Variants in KCNH8 observed in about 807,000 individuals in gnomAD.
KCNH8 encodes the protein voltage-gated delayed rectifier potassium channel KCNH8.
In KCNH8, 70 loss-of-function variants were observed where a neutral mutation model predicts 103.6. The observed-to-expected ratio is 0.68, with a 90% CI of 0.56 to 0.82. The LOEUF is 0.82. Ranked by LOEUF, KCNH8 falls within the 40% of genes least tolerant of loss-of-function variation. KCNH8 has a pLI of 0.00. For synonymous variants in KCNH8, 498 were observed against 489.4 expected (o/e 1.02, Z -0.23); for missense variants, 1,217 against 1,329.9 (o/e 0.92, Z 1.32).
chr3:19,355,972 G>C (rs2065877172), intron 5 of KCNH8, among the ~76,000 whole-genome samples: 1 of 151,594 alleles, frequency 6.6e-6, no homozygotes, highest in Admixed American at 6.6e-5. Context: ...TTCTGGAGTA[G>C]TAGTATTAAT....
At chr3:19,394,364 A>C (rs1255644404) in intron 6 of KCNH8, among the ~76,000 whole-genome samples, 1 of 152,068 alleles carries the variant, frequency 6.6e-6, no homozygotes, top group Non-Finnish European at 1.5e-5. Context: ...AGTCAATAAA[A>C]TAACCCCTCA....
chr3:19,203,920 T>C (rs73048546), intron 1 of KCNH8, among the ~76,000 whole-genome samples: 2,768 of 152,216 alleles, frequency 0.018, 31 homozygotes, highest in Middle Eastern at 0.088. Flanking sequence ...ATTTAAGAAA[T>C]ATTTTAATGT....
intron 7 of KCNH8, among the ~76,000 whole-genome samples, chr3:19,404,750 G>A (rs1649274948): frequency 6.6e-6 from 1 of 151,708 alleles, no homozygotes; most frequent in African/African-American, 2.4e-5. Flanking sequence ...CTTGAGGTTT[G>A]GATCTATCCT....
intron 2 of KCNH8, among the ~76,000 whole-genome samples, chr3:19,273,519 G>C (rs1367715605): frequency 1.3e-5 from 2 of 152,126 alleles, no homozygotes; most frequent in African/African-American, 2.4e-5. Context: ...GCTATTTTCA[G>C]TCTTAGCAGA....
At position 19,449,225 on chromosome 3, in the gene KCNH8, C is replaced by A. The variant is rs146426047; in HGVS notation, c.1376-881C>A. ...GTAGGTTTGGGACAGGCTCAAAGGGCAGGCTTAGCAAGAAACTGGAGGTTA... is the reference window on the plus strand; with the variant it reads ...GTAGGTTTGGGACAGGCTCAAAGGGAAGGCTTAGCAAGAAACTGGAGGTTA... On this transcript the variant is annotated intron_variant, in intron 8 of 15. Coordinates refer to ENST00000328405, the MANE Select transcript of KCNH8 (RefSeq NM_144633.3). Among the ~76,000 whole-genome samples the A allele has an allele frequency of 2.3e-3, 349 of 151,516 alleles. 1 individual carries two copies. The highest frequency in any genetic ancestry group is 2.1e-3 in the Non-Finnish European group (142 of 67,892).
intron 1 of KCNH8, among the ~76,000 whole-genome samples, chr3:19,243,223 G>C (rs1184176583): frequency 6.6e-6 from 1 of 152,110 alleles, no homozygotes; most frequent in Non-Finnish European, 1.5e-5. Flanking sequence ...GTAATGCAGA[G>C]TCAGCATACA....
chr3:19,215,831 C>A (rs549355573), intron 1 of KCNH8, among the ~76,000 whole-genome samples: 1 of 152,194 alleles, frequency 6.6e-6, no homozygotes, highest in Admixed American at 6.5e-5. Context: ...ACACTCTCTT[C>A]GGCATAGCCA....
chr3:19,514,866 G>C (rs748723585), intron 13 of KCNH8, among the ~76,000 whole-genome samples: 1 of 151,850 alleles, frequency 6.6e-6, no homozygotes, highest in Non-Finnish European at 1.5e-5. Flanking sequence ...ATAAGTAAAA[G>C]AGCCTCTGTC....
At chr3:19,414,141 A>G (rs144514424) in intron 7 of KCNH8, among the ~76,000 whole-genome samples, 2 of 152,204 alleles carry the variant, frequency 1.3e-5, no homozygotes, top group East Asian at 3.9e-4. Context: ...CAGCTTAGAC[A>G]TTGCTTTAAA....
intron 4 of KCNH8, among the ~76,000 whole-genome samples, chr3:19,345,665 A>G (rs1182767986): frequency 6.6e-6 from 1 of 152,012 alleles, no homozygotes; most frequent in African/African-American, 2.4e-5. Context: ...TTTTTCATTC[A>G]AAAGGATTTT....
chr3:19,306,171 G>A lies in KCNH8; in HGVS notation c.442+24842G>A, dbSNP rs544642176. ...GAAAAATGTTCAGGTCAAATGAATAGCACCAGTCACATTCAGAATTCACCG... is the reference window on the plus strand; with the variant it reads ...GAAAAATGTTCAGGTCAAATGAATAACACCAGTCACATTCAGAATTCACCG... On this transcript the variant is annotated intron_variant, in intron 3 of 15. Transcript: ENST00000328405. Among the ~76,000 whole-genome samples the A allele has an allele frequency of 3.9e-5, 6 of 152,108 alleles. No homozygotes were observed. The South Asian group carries it at 6.2e-4, about 16-fold the overall frequency.
intron 3 of KCNH8, among the ~76,000 whole-genome samples, chr3:19,341,345 G>C (rs1018581048): frequency 6.6e-6 from 1 of 152,024 alleles, no homozygotes; most frequent in Non-Finnish European, 1.5e-5. Flanking sequence ...TCTTTCACTA[G>C]CGCTGGCTGT....
chr3:19,486,322 C>G (rs1488279426), intron 11 of KCNH8, among the ~76,000 whole-genome samples: 1 of 152,246 alleles, frequency 6.6e-6, no homozygotes, highest in Non-Finnish European at 1.5e-5. Flanking sequence ...TTTCACAAAG[C>G]AAGCTTTGGT....
At chr3:19,214,406 T>G (rs1405527481) in intron 1 of KCNH8, among the ~76,000 whole-genome samples, 1 of 152,184 alleles carries the variant, frequency 6.6e-6, no homozygotes, top group Non-Finnish European at 1.5e-5. Flanking sequence ...ATAATTGCCC[T>G]TCATTAGTGG....
rs148123880 is a variant in KCNH8 at position 19,245,050 on chromosome 3, G to A, written c.77-8604G>A. 7.8e-4 allele frequency among the ~76,000 whole-genome samples: 119 copies of A among 152,218 alleles called. No individual in the cohort carries two copies. The East Asian group carries it at 0.022, about 28-fold the overall frequency. On this transcript the variant is annotated intron_variant, in intron 1 of 15. Transcript: ENST00000328405. ...CTTTGCCAAGGCCAATATTGAGAAG[G>A]CTATTCCCTAAGTTTTCTTCAGGAT...
chr3:19,168,015 T>C (rs886433724), intron 1 of KCNH8, among the ~76,000 whole-genome samples: 8 of 151,672 alleles, frequency 5.3e-5, no homozygotes, highest in African/African-American at 1.9e-4. Context: ...CCACTTCTTT[T>C]TTTTTTTTTT....
At chr3:19,503,874 C>G in intron 11 of KCNH8, among the ~76,000 whole-genome samples, 1 of 151,904 alleles carries the variant, frequency 6.6e-6, no homozygotes, top group Non-Finnish European at 1.5e-5. Flanking sequence ...CACACGTATA[C>G]ATATGTAACT....
At chr3:19,172,349 CTTTTTAATGA>C (rs1247109210) in intron 1 of KCNH8, among the ~76,000 whole-genome samples, 2 of 151,050 alleles carry the variant, frequency 1.3e-5, no homozygotes, top group African/African-American at 4.9e-5. Flanking sequence ...ACAGTCTTGT[CTTTTTAATGA>C]TTTTTTTCTC....
At chr3:19,356,115 A>G (rs374020432) in intron 5 of KCNH8, among the ~76,000 whole-genome samples, 158 of 152,084 alleles carry the variant, frequency 1.0e-3, no homozygotes, top group African/African-American at 3.7e-3. Context: ...ACTCCATACA[A>G]AAGTATAAGG....
Sources: allele counts gnomAD v4.1 joint callset (sites outside exome capture counted in the v4.1 genomes callset), GRCh38; gene constraint gnomAD v4.1.1; transcripts MANE v1.5; gene names NCBI Gene and HGNC (gene_info 2026-07-23, HGNC 2026-07-21).